The following LCLAT1 variants were observed in gnomAD, a reference collection of about 807,000 sequenced individuals.
The protein encoded by LCLAT1 is 1-AGP acyltransferase 8.
LCLAT1 carries 11 observed loss-of-function variants against 30.7 expected under a neutral mutation model. The ratio of observed to expected loss-of-function variants is 0.36; its 90% confidence interval spans 0.23 to 0.59. The LOEUF is 0.59. Among genes scored for constraint, LCLAT1 ranks in the 20% least tolerant of loss-of-function variants. The probability of loss-of-function intolerance (pLI) is 0.77; values close to 1 mark genes in which losing one functional copy is unlikely to be tolerated. For synonymous variants in LCLAT1, 155 were observed against 151.3 expected (o/e 1.02, Z -0.18); for missense variants, 402 against 458.6 (o/e 0.88, Z 1.13).
intron 3 of LCLAT1, among the ~76,000 whole-genome samples, chr2:30,551,307 T>C (rs1221956537): frequency 6.6e-6 from 1 of 152,226 alleles, no homozygotes. Flanking sequence ...GCGCCTAGCC[T>C]GGGAGTGCCT....
intron 1 of LCLAT1, among the ~76,000 whole-genome samples, chr2:30,520,859 T>C (rs1446591828): frequency 6.6e-6 from 1 of 152,176 alleles, no homozygotes; most frequent in African/African-American, 2.4e-5. Context: ...TTTCTATGGA[T>C]TTTCACAAAT....
At chr2:30,506,961 A>G (rs1047857410) in intron 1 of LCLAT1, among the ~76,000 whole-genome samples, 1 of 152,180 alleles carries the variant, frequency 6.6e-6, no homozygotes, top group East Asian at 1.9e-4. Context: ...AATAATGAAC[A>G]TATTTCAATT....
chr2:30,611,150 A>G (rs1349579005), intron 5 of LCLAT1, among the ~76,000 whole-genome samples: 1 of 133,044 alleles, frequency 7.5e-6, no homozygotes. Flanking sequence ...CTTTTTGTCC[A>G]TTTTTTTTCT....
intron 1 of LCLAT1, among the ~76,000 whole-genome samples, chr2:30,451,419 A>G (rs1681543897): frequency 6.6e-6 from 1 of 152,262 alleles, no homozygotes; most frequent in African/African-American, 2.4e-5. Context: ...AAGAGAAACT[A>G]ATGCATGTTA....
intron 5 of LCLAT1, among the ~76,000 whole-genome samples, chr2:30,588,583 G>GTTTTGTTT (rs891544264): frequency 2.0e-5 from 3 of 151,978 alleles, no homozygotes; most frequent in Non-Finnish European, 4.4e-5. Context: ...TGTTGTTGTT[G>GTTTTGTTT]TTTTGTTTTT....
chr2:30,593,969 T>C (rs547958539), intron 5 of LCLAT1, among the ~76,000 whole-genome samples: 43 of 151,546 alleles, frequency 2.8e-4, no homozygotes, highest in African/African-American at 9.4e-4. Context: ...TAAAATTTTA[T>C]CATTCCACTG....
intron 5 of LCLAT1, among the ~76,000 whole-genome samples, chr2:30,623,114 C>T (rs907428504): frequency 4.5e-5 from 6 of 134,094 alleles, no homozygotes; most frequent in East Asian, 4.5e-4. Flanking sequence ...AGTGCAGTGG[C>T]GTGCTCTCTG....
At chr2:30,526,717 C>T (rs542103049) in intron 2 of LCLAT1, among the ~76,000 whole-genome samples, 52 of 152,224 alleles carry the variant, frequency 3.4e-4, no homozygotes, top group Non-Finnish European at 4.4e-5. Context: ...TAGCATTTTG[C>T]TAGGATGCAG....
intron 5 of LCLAT1, among the ~76,000 whole-genome samples, chr2:30,637,010 A>G (rs1001513011): frequency 3.3e-5 from 5 of 152,240 alleles, no homozygotes; most frequent in Admixed American, 2.0e-4. Context: ...CACAGATGTT[A>G]GAAGCAGAAG....
chr2:30,564,063 C>G (rs1036747245), intron 4 of LCLAT1, among the ~76,000 whole-genome samples: 1 of 152,004 alleles, frequency 6.6e-6, no homozygotes, highest in Non-Finnish European at 1.5e-5. Context: ...ATAATGGCTG[C>G]TTGTTGAAGC....
chr2:30,525,845 T>A, intron 2 of LCLAT1, 90 bp downstream of exon 2: 1 of 1,129,212 alleles, frequency 8.9e-7, no homozygotes, highest in Non-Finnish European at 1.3e-6. Context: ...TTCAAGTCCC[T>A]ACAGTATTTG....
intron 1 of LCLAT1, among the ~76,000 whole-genome samples, chr2:30,470,915 CT>C (rs35399245): frequency 0.12 from 15,971 of 135,538 alleles, 702 homozygotes; most frequent in South Asian, 0.21. Flanking sequence ...TTTATTCATT[CT>C]TTTTTTTTTT....
At chr2:30,574,156 TA>T (rs1392560518) in intron 5 of LCLAT1, among the ~76,000 whole-genome samples, 3 of 151,520 alleles carry the variant, frequency 2.0e-5, no homozygotes, top group African/African-American at 7.3e-5. Flanking sequence ...AAAATAATAA[TA>T]ATAATAATAG....
intron 5 of LCLAT1, among the ~76,000 whole-genome samples, chr2:30,584,393 A>G (rs1185822541): frequency 6.6e-6 from 1 of 152,220 alleles, no homozygotes; most frequent in Non-Finnish European, 1.5e-5. Flanking sequence ...TGGCTGAATC[A>G]CATTTAGAAT....
In LCLAT1 at chr2:30,542,087, C is replaced by G. The variant is rs988367165; in HGVS notation, c.364+8773C>G. Among the ~76,000 whole-genome samples, 3 of 152,086 alleles carry G rather than the reference C, an allele frequency of 2.0e-5. No homozygotes were observed. In the East Asian group the frequency reaches 5.8e-4, roughly 29 times the overall value. ...GGTTGTTTCTTCTCTAACTGTTGCT[C>G]TATAAGAGTTCTTCAAAAATTCTGG... On this transcript the variant is annotated intron_variant, in intron 3 of 5. Transcript: ENST00000379509.
Position 30,562,261 on chromosome 2 carries a change from C to T in LCLAT1, c.480C>T (p.Leu160=), listed in dbSNP as rs147135903. 10 of 1,612,112 alleles carry T rather than the reference C, an allele frequency of 6.2e-6. No individual in the cohort carries two copies. In the East Asian group the frequency reaches 2.0e-4, roughly 32 times the overall value. The change falls in exon 4 of 6, where the codon CTC becomes CTT. Residue 160 remains leucine (L), a synonymous_variant. Coordinates refer to ENST00000379509, the MANE Select transcript of LCLAT1 (RefSeq NM_001002257.3). ...GTGATATTCACGAACCACTTCAACT[C>T]CTCATATTCCCAGAAGGGACTGATC... The part of the protein sequence containing the change: ...YFCDIHEPLQ[L]LIFPEGTDLT...
chr2:30,559,215 A>G (rs565638273), intron 3 of LCLAT1, among the ~76,000 whole-genome samples: 1 of 152,358 alleles, frequency 6.6e-6, no homozygotes, highest in East Asian at 1.9e-4. Context: ...GACACATGGA[A>G]GCATTTGAGT....
At chr2:30,576,674 G>A (rs1478545968) in intron 5 of LCLAT1, among the ~76,000 whole-genome samples, 3 of 151,998 alleles carry the variant, frequency 2.0e-5, no homozygotes, top group Non-Finnish European at 2.9e-5. Context: ...CATTGTGAAT[G>A]TATATGCTTC....
chr2:30,561,362 A>C (rs760070326), intron 3 of LCLAT1, among the ~76,000 whole-genome samples: 1 of 151,928 alleles, frequency 6.6e-6, no homozygotes, highest in Non-Finnish European at 1.5e-5. Flanking sequence ...GAGGGGGAAC[A>C]TTTGGTTGGC....
Sources: allele counts gnomAD v4.1 joint callset (sites outside exome capture counted in the v4.1 genomes callset), GRCh38; gene constraint gnomAD v4.1.1; transcripts MANE v1.5; gene names NCBI Gene and HGNC (gene_info 2026-07-23, HGNC 2026-07-21).